NPEPPS: variants seen among roughly 807,000 people sequenced by gnomAD.
NPEPPS encodes aminopeptidase puromycin sensitive.
In NPEPPS, 14 loss-of-function variants were observed where a neutral mutation model predicts 115.5. The ratio of observed to expected loss-of-function variants is 0.12; its 90% confidence interval spans 0.08 to 0.19. The LOEUF (loss-of-function observed/expected upper bound fraction) is 0.19, where lower values mean the gene tolerates loss of function less well. NPEPPS is among the 10% of genes least tolerant of loss of function. The pLI is 1.00. For synonymous variants in NPEPPS, 285 were observed against 390.6 expected, an observed-to-expected ratio of 0.73 and a Z score of 3.19; for missense variants, 523 against 1,110.8, an observed-to-expected ratio of 0.47 and a Z score of 7.52.
At chr17:47,553,131 C>T (rs55687600) in intron 2 of NPEPPS, among the ~76,000 whole-genome samples, 67,979 of 151,546 alleles carry the variant, frequency 0.45, 16,220 homozygotes, top group East Asian at 0.55. Flanking sequence ...CTTTGGGAGG[C>T]CGAGGCGGGC....
chr17:47,591,162 G>A (rs1597868538), intron 10 of NPEPPS, among the ~76,000 whole-genome samples: 1 of 152,076 alleles, frequency 6.6e-6, no homozygotes. Flanking sequence ...ACCTGAGGTC[G>A]GGAGTTTGAG....
chr17:47,586,031 G>A lies in NPEPPS; in HGVS notation c.850-117G>A, dbSNP rs80230844. 3.5e-5 allele frequency: 37 copies of A among 1,045,666 alleles called. No individual in the cohort carries two copies. In the East Asian group the frequency reaches 6.5e-4, roughly 18 times the overall value. 64.8% of individuals were successfully genotyped at this position (1,045,666 alleles called of 1,614,324 possible). A position where few individuals can be genotyped will look rare whatever the true frequency, so the allele number is the denominator to read the frequency against. On this transcript the variant is annotated intron_variant, in intron 6 of 22. Transcript: ENST00000322157. ...CAGTCTTCGGAGGGTAGGGCTCCTC[G>A]GGATTCATTTCTAGTAATTTAAGAT...
chr17:47,545,402 A>G (rs1909129307), intron 1 of NPEPPS, among the ~76,000 whole-genome samples: 1 of 152,180 alleles, frequency 6.6e-6, no homozygotes, highest in South Asian at 2.1e-4. Context: ...ATTGTTTTTA[A>G]TATAATTTGG....
chr17:47,565,293 G>A (rs990539380), intron 2 of NPEPPS, among the ~76,000 whole-genome samples: 5 of 152,038 alleles, frequency 3.3e-5, no homozygotes, highest in African/African-American at 1.2e-4. Context: ...GGTGGATCAT[G>A]AGGTCAAGAG....
chr17:47,566,278 C>A (rs556204464), intron 2 of NPEPPS, among the ~76,000 whole-genome samples: 8 of 152,170 alleles, frequency 5.3e-5, no homozygotes, highest in African/African-American at 1.9e-4. Context: ...CATGCCTGGC[C>A]CTGGGCAACA....
chr17:47,602,685 T>A (rs1913287251), intron 15 of NPEPPS, among the ~76,000 whole-genome samples: 1 of 151,756 alleles, frequency 6.6e-6, no homozygotes, highest in Admixed American at 6.6e-5. Context: ...CAACTTCTTT[T>A]TTTTTTGAGT....
At position 47,543,282 on chromosome 17, in the gene NPEPPS, C is replaced by A. The variant is rs554676375; in HGVS notation, c.256-2627C>A. ...AATGTTATTAGTAATCAGGGAAATT[C>A]TGATTAAACCAATGGACTATCAGTA... On this transcript the variant is annotated intron_variant, in intron 1 of 22. Coordinates refer to ENST00000322157, the MANE Select transcript of NPEPPS (RefSeq NM_006310.4). Among the ~76,000 whole-genome samples the A allele has an allele frequency of 7.8e-4, 118 of 151,458 alleles. 1 individual carries two copies. In the South Asian group the frequency reaches 0.011, roughly 15 times the overall value.
In NPEPPS at chr17:47,575,933, G is replaced by T. The variant is rs563662915; in HGVS notation, c.419-3457G>T. Among the ~76,000 whole-genome samples, 3 of 151,900 alleles carry T rather than the reference G, an allele frequency of 2.0e-5. No homozygotes were observed. In the South Asian group the frequency reaches 6.2e-4, roughly 32 times the overall value. On this transcript the variant is annotated intron_variant, in intron 3 of 22. Transcript: ENST00000322157. Reference sequence around the variant, plus strand: ...GACAATATTGAATTATTTAATATCTGTTTGAAATCATTGGCTTTCACATTT... The same window carrying T: ...GACAATATTGAATTATTTAATATCTTTTTGAAATCATTGGCTTTCACATTT...
chr17:47,582,871 T>C lies in NPEPPS; in HGVS notation c.648+22T>C, dbSNP rs534178968. 1.0e-3 allele frequency: 650 copies of C among 623,662 alleles called. 5 individuals are homozygous for C. In the East Asian group the frequency reaches 0.013, roughly 13 times the overall value. The allele number at this position is 623,662 out of a possible 1,614,324, so 38.6% of individuals were successfully genotyped here. On this transcript the variant is annotated intron_variant, in intron 5 of 22. Transcript: ENST00000322157. ...CATGGTATGTATGTGTTTATAAGTTTATCTAAAATTTTAATAGGCTTTAGC... is the reference window on the plus strand; with the variant it reads ...CATGGTATGTATGTGTTTATAAGTTCATCTAAAATTTTAATAGGCTTTAGC...
At chr17:47,562,628 G>A (rs1403008245) in intron 2 of NPEPPS, among the ~76,000 whole-genome samples, 3 of 151,108 alleles carry the variant, frequency 2.0e-5, no homozygotes, top group Non-Finnish European at 4.4e-5. Flanking sequence ...GTGTGTGTGT[G>A]TGTGTATATG....
intron 21 of NPEPPS, 115 bp downstream of exon 21, chr17:47,619,279 T>A: frequency 9.3e-7 from 1 of 1,073,044 alleles, no homozygotes; most frequent in Non-Finnish European, 1.4e-6. Context: ...TGTGGCCAGG[T>A]GCAGTGGCTC....
intron 3 of NPEPPS, among the ~76,000 whole-genome samples, chr17:47,573,690 C>T (rs1138193): frequency 0.4 from 60,647 of 151,904 alleles, 13,009 homozygotes; most frequent in East Asian, 0.55. Flanking sequence ...ACTGCCCTCG[C>T]GCCTGGGCGA....
chr17:47,546,730 G>A (rs1403675201), intron 2 of NPEPPS, among the ~76,000 whole-genome samples: 2 of 151,952 alleles, frequency 1.3e-5, no homozygotes, highest in Non-Finnish European at 2.9e-5. Context: ...AGTAGAGACA[G>A]GGTTTTGCTA....
intron 10 of NPEPPS, 174 bp from the exon 11 acceptor site, chr17:47,591,782 C>T (rs1912520704): frequency 6.2e-6 from 3 of 486,670 alleles, no homozygotes; most frequent in Non-Finnish European, 1.1e-5. Context: ...ATGTTCTATT[C>T]AACTTTATTA....
chr17:47,563,896 AG>A (rs1910622030), intron 2 of NPEPPS, among the ~76,000 whole-genome samples: 1 of 150,260 alleles, frequency 6.7e-6, no homozygotes. Flanking sequence ...AACAATAACT[AG>A]GAACTGTGCT....
intron 2 of NPEPPS, among the ~76,000 whole-genome samples, chr17:47,566,675 G>A (rs1252243025): frequency 1.3e-5 from 2 of 151,442 alleles, no homozygotes; most frequent in East Asian, 2.0e-4. Flanking sequence ...CACCCACCTC[G>A]GCCTCCCAAA....
At chr17:47,532,937 A>G (rs1401111906) in intron 1 of NPEPPS, among the ~76,000 whole-genome samples, 2 of 152,132 alleles carry the variant, frequency 1.3e-5, no homozygotes, top group East Asian at 1.9e-4. Flanking sequence ...ATGTTAGTAA[A>G]TATATTTTGT....
Position 47,623,066 on chromosome 17 carries a change from C to G in NPEPPS, c.*1146C>G. On this transcript the variant is annotated 3_prime_UTR_variant, in exon 23 of 23. Coordinates refer to ENST00000322157, the MANE Select transcript of NPEPPS (RefSeq NM_006310.4). Reference sequence around the variant, plus strand: ...TCCAATGAGTTTTAAATCTAAATCTCATTCCCTTCTTCTTTCCCTACCTTT... The same window carrying G: ...TCCAATGAGTTTTAAATCTAAATCTGATTCCCTTCTTCTTTCCCTACCTTT... The G allele has an allele frequency of 1.4e-5, 4 of 296,174 alleles. No homozygotes were observed. Among genetic ancestry groups the G allele is most frequent in the South Asian group, 1.1e-4 (4 of 36,394 alleles). The allele number at this position is 296,174 out of a possible 1,614,324, so 18.3% of individuals were successfully genotyped here.
intron 15 of NPEPPS, chr17:47,601,973 GA>G (rs1164710556): frequency 0.064 from 20,994 of 326,222 alleles, 30 homozygotes; most frequent in East Asian, 0.1. Flanking sequence ...AGGAGGAGAA[GA>G]AAAAAAAAAA....
Sources: allele counts gnomAD v4.1 joint callset (sites outside exome capture counted in the v4.1 genomes callset), GRCh38; gene constraint gnomAD v4.1.1; transcripts MANE v1.5; gene names NCBI Gene and HGNC (gene_info 2026-07-23, HGNC 2026-07-21).